The following CACNA1C variants were observed in gnomAD, a reference collection of about 807,000 sequenced individuals.
CACNA1C encodes calcium voltage-gated channel subunit alpha1 C.
Under a neutral mutation model 229.0 loss-of-function variants are expected in CACNA1C, and 30 were observed. The observed-to-expected ratio is 0.13, with a 90% CI of 0.10 to 0.18. CACNA1C has a LOEUF of 0.18. CACNA1C is among the 10% of genes least tolerant of loss of function. The pLI is 1.00. For missense variants in CACNA1C, 1,658 were observed against 2,845.0 expected, an observed-to-expected ratio of 0.58 and a Z score of 9.49; for synonymous variants, 1,114 against 1,132.5, an observed-to-expected ratio of 0.98 and a Z score of 0.33.
intron 3 of CACNA1C, among the ~76,000 whole-genome samples, chr12:2,155,822 A>G (rs2095525584): frequency 6.6e-6 from 1 of 152,208 alleles, no homozygotes; most frequent in South Asian, 2.1e-4. Flanking sequence ...CATGTTTTCC[A>G]GGGTTTAATT....
rs999872292 is a variant in CACNA1C, at chr12:2,108,985, C to T, written c.50-6239C>T. On this transcript the variant is annotated intron_variant, in intron 1 of 46. Transcript: ENST00000399655. This position sits in a 1 kb window ranked among gnomAD's most constrained non-coding sequence, Gnocchi z 5.3. The stretch of plus-strand genomic sequence containing the variant: ...CATGTTGGCCTGAGAGAAGGCATTT[C>T]CTTTGCCCTGCAGAGATTGCTCAGT... 6.6e-6 allele frequency among the ~76,000 whole-genome samples: 1 copy of T among 152,188 alleles called. No homozygotes were observed. Among genetic ancestry groups the T allele is most frequent in the Non-Finnish European group, 1.5e-5 (1 of 68,026 alleles).
intron 3 of CACNA1C, among the ~76,000 whole-genome samples, chr12:2,254,604 C>T (rs74642400): frequency 0.02 from 3,035 of 152,252 alleles, 98 homozygotes; most frequent in African/African-American, 0.067. Context: ...CCAGGCTTCC[C>T]CTTCCTACTG....
intron 3 of CACNA1C, among the ~76,000 whole-genome samples, chr12:2,245,557 G>A (rs2072776119): frequency 6.6e-6 from 1 of 152,178 alleles, no homozygotes; most frequent in African/African-American, 2.4e-5. Context: ...CCCAAAGGCA[G>A]CAGTTATACT....
intron 1 of CACNA1C, among the ~76,000 whole-genome samples, chr12:2,091,886 G>A (rs994676644): frequency 6.6e-6 from 1 of 152,168 alleles, no homozygotes; most frequent in African/African-American, 2.4e-5. Context: ...CTTGACTTTG[G>A]TTTGGCTTTG....
intron 3 of CACNA1C, among the ~76,000 whole-genome samples, chr12:2,374,144 G>T (rs184741795): frequency 6.6e-6 from 1 of 152,122 alleles, no homozygotes; most frequent in Non-Finnish European, 1.5e-5. Context: ...GTCTTCCCAC[G>T]TGCACGTTTA....
At chr12:2,060,919 A>C (rs1397633969) in intron 1 of CACNA1C, among the ~76,000 whole-genome samples, 2 of 152,254 alleles carry the variant, frequency 1.3e-5, no homozygotes, top group Non-Finnish European at 2.9e-5. Flanking sequence ...TATTTACTTT[A>C]TAACCATTGT....
chr12:2,683,598 T>C (rs1295389376), intron 43 of CACNA1C, among the ~76,000 whole-genome samples: 1 of 152,180 alleles, frequency 6.6e-6, no homozygotes, highest in Non-Finnish European at 1.5e-5. Flanking sequence ...AATGCCTGGG[T>C]CCCATGGGCT....
chr12:1,990,799 A>G (rs192639137), intron 1 of CACNA1C, among the ~76,000 whole-genome samples: 2 of 152,206 alleles, frequency 1.3e-5, no homozygotes, highest in African/African-American at 2.4e-5. Flanking sequence ...CATGTAAACC[A>G]TACATAATTA....
intron 5 of CACNA1C, among the ~76,000 whole-genome samples, chr12:2,462,097 C>T (rs2099509885): frequency 6.6e-6 from 1 of 152,114 alleles, no homozygotes; most frequent in Non-Finnish European, 1.5e-5. Flanking sequence ...CCTCTCCCTC[C>T]TCACCAGCCC....
At position 2,404,724 on chromosome 12, in the gene CACNA1C, G is replaced by A. The variant is rs936072308; in HGVS notation, c.478-44252G>A. On this transcript the variant is annotated intron_variant, in intron 3 of 46. Coordinates refer to ENST00000399655, the MANE Select transcript of CACNA1C (RefSeq NM_000719.7). ...TAGTTTGTCTCGTCAGCTTCTGGGGGTCACTTGTTCACATGGGAAGAAACC... is the reference window on the plus strand; with the variant it reads ...TAGTTTGTCTCGTCAGCTTCTGGGGATCACTTGTTCACATGGGAAGAAACC... Among the ~76,000 whole-genome samples the A allele has an allele frequency of 4.6e-5, 7 of 152,236 alleles. No homozygotes were observed. The East Asian group carries it at 1.2e-3, about 25-fold the overall frequency.
Position 2,524,308 on chromosome 12 carries a change from G to A in CACNA1C, c.1390+11324G>A, listed in dbSNP as rs187739345. 5.9e-5 allele frequency among the ~76,000 whole-genome samples: 9 copies of A among 152,302 alleles called. No homozygotes were observed. In the East Asian group the frequency reaches 9.7e-4, roughly 16 times the overall value. ...CAGAATACTAAGATAAATAGACACC[G>A]TCTCTGTCCTAAGGGGAATTACAGC... On this transcript the variant is annotated intron_variant, in intron 9 of 46. Coordinates refer to ENST00000399655, the MANE Select transcript of CACNA1C (RefSeq NM_000719.7).
intron 1 of CACNA1C, among the ~76,000 whole-genome samples, chr12:2,085,759 A>G (rs1263686654): frequency 6.6e-6 from 1 of 152,158 alleles, no homozygotes; most frequent in Non-Finnish European, 1.5e-5. Context: ...CACTCAGATT[A>G]TGTCAGTGTA....
At chr12:2,035,407 G>C (rs2048956829) in intron 1 of CACNA1C, among the ~76,000 whole-genome samples, 1 of 152,250 alleles carries the variant, frequency 6.6e-6, no homozygotes, top group African/African-American at 2.4e-5. Flanking sequence ...CATGAGGCTT[G>C]CAAGGCAGGG....
chr12:2,082,911 C>T (rs1209831712), intron 1 of CACNA1C, among the ~76,000 whole-genome samples: 1 of 152,212 alleles, frequency 6.6e-6, no homozygotes, highest in Non-Finnish European at 1.5e-5. Context: ...CATACACACA[C>T]TGAATAATTA....
In CACNA1C at chr12:2,514,442, A is replaced by C. The variant is rs149990749; in HGVS notation, c.1390+1458A>C. ...CCATTAAGTGGTTTTGCAAGTTGGA[A>C]TACAGGGCCTTTGATGGATTATAAC... On this transcript the variant is annotated intron_variant, in intron 9 of 46. Coordinates refer to ENST00000399655, the MANE Select transcript of CACNA1C (RefSeq NM_000719.7). Among the ~76,000 whole-genome samples, 365 of 152,340 alleles carry C rather than the reference A, an allele frequency of 2.4e-3. 3 individuals are homozygous for C. Among genetic ancestry groups the C allele is most frequent in the Non-Finnish European group, 1.5e-3 (99 of 68,034 alleles).
rs1216048316 is a variant in CACNA1C, at chr12:2,601,960, A to G, written c.2960A>G (p.Gln987Arg). 1 of 1,595,002 alleles carries G rather than the reference A, an allele frequency of 6.3e-7. No individual in the cohort carries two copies. The highest frequency in any genetic ancestry group is 8.6e-7 in the Non-Finnish European group (1 of 1,162,550). ...GTGTCCCTCATCTCCTTTGGCATCC[A>G]GTGAGTGGGAGCCCCTCAGCCCACG... is the stretch of plus-strand genomic sequence containing the variant. ...VSVSLISFGI[Q>R]SSAINVVKIL... The change falls in exon 22 of 47, where the codon CAG (glutamine) becomes CGG (arginine). Residue 987 changes from glutamine to arginine, a missense_variant and splice_region_variant. Coordinates refer to ENST00000399655, the MANE Select transcript of CACNA1C (RefSeq NM_000719.7). This position sits in a 1 kb window ranked among gnomAD's most constrained non-coding sequence, Gnocchi z 5.9.
At chr12:2,223,311 T>A (rs1293313493) in intron 3 of CACNA1C, 3 of 152,070 alleles carry the variant, frequency 2.0e-5, no homozygotes, top group Admixed American at 6.6e-5. Flanking sequence ...ACTGCAGAGG[T>A]TTATTTCTTG....
chr12:2,453,246 C>T (rs541968486), intron 4 of CACNA1C, among the ~76,000 whole-genome samples: 85 of 152,296 alleles, frequency 5.6e-4, no homozygotes, highest in Non-Finnish European at 9.7e-4. Flanking sequence ...TCGCTCAGCC[C>T]TGCCTGGCCC....
At chr12:2,557,890 C>T (rs754797367) in intron 11 of CACNA1C, among the ~76,000 whole-genome samples, 80 of 152,202 alleles carry the variant, frequency 5.3e-4, no homozygotes, top group Non-Finnish European at 1.0e-3. Context: ...CAGTGGTGAA[C>T]GTCCATACAT....
Sources: allele counts gnomAD v4.1 joint callset (sites outside exome capture counted in the v4.1 genomes callset), GRCh38; gene constraint gnomAD v4.1.1; non-coding constraint Gnocchi (gnomAD v3.1); transcripts MANE v1.5; gene names NCBI Gene and HGNC (gene_info 2026-07-23, HGNC 2026-07-21).